The following LOC112694756 variants were observed in gnomAD, a reference collection of about 807,000 sequenced individuals.
chr16:30,064,079 C>T, the LOC112694756 span: 12 of 398,466 alleles, frequency 3.0e-5, no homozygotes, highest in East Asian at 3.6e-4. Context: ...CGGGCAGGTG[C>T]CCTGGCTTCC....
the LOC112694756 span, chr16:30,066,958 G>T: frequency 6.4e-7 from 1 of 1,551,912 alleles, no homozygotes; most frequent in Non-Finnish European, 8.7e-7. Flanking sequence ...CATGGCTATG[G>T]CCTTTTCCTT....
the LOC112694756 span, chr16:30,070,011 GTA>G: frequency 6.2e-7 from 1 of 1,613,828 alleles, no homozygotes; most frequent in Non-Finnish European, 8.5e-7. Flanking sequence ...CGCAGGAGGA[GTA>G]TGTCAAGCGA....
the LOC112694756 span, chr16:30,063,853 C>T: frequency 1.3e-5 from 5 of 399,106 alleles, no homozygotes; most frequent in African/African-American, 1.0e-4. Flanking sequence ...GGACCCAGGG[C>T]CCCTGCCCTC....
the LOC112694756 span, among the ~76,000 whole-genome samples, chr16:30,063,018 G>A: frequency 1.3e-5 from 2 of 151,630 alleles, no homozygotes; most frequent in South Asian, 2.1e-4. Flanking sequence ...GGTGGCTCAC[G>A]CCTGTAGTTC....
At chr16:30,067,550 C>T in the LOC112694756 span, 2 of 1,613,940 alleles carry the variant, frequency 1.2e-6, no homozygotes, top group African/African-American at 1.3e-5. Flanking sequence ...ACCGCGTGAA[C>T]CCCTGCATTG....
chr16:30,056,244 G>C, the LOC112694756 span, among the ~76,000 whole-genome samples: 11 of 143,534 alleles, frequency 7.7e-5, no homozygotes, highest in African/African-American at 2.8e-4. Flanking sequence ...TGAGTAGTAG[G>C]AATACAGGCG....
At chr16:30,066,797 C>G in the LOC112694756 span, 2 of 1,421,780 alleles carry the variant, frequency 1.4e-6, no homozygotes, top group African/African-American at 2.9e-5. Context: ...TTTCCCATAT[C>G]TGGGCCCTTT....
chr16:30,057,306 G>A, the LOC112694756 span, among the ~76,000 whole-genome samples: 1 of 152,158 alleles, frequency 6.6e-6, no homozygotes, highest in Non-Finnish European at 1.5e-5. Flanking sequence ...CTGAAGTGGG[G>A]AGTAAGCTGG....
chr16:30,067,116 G>A, the LOC112694756 span: 80 of 1,573,302 alleles, frequency 5.1e-5, 1 homozygote, highest in East Asian at 9.2e-4. Flanking sequence ...GGCCTGCTGG[G>A]TGTGGGGCAG....
chr16:30,064,691 T>C, the LOC112694756 span: 1 of 380,572 alleles, frequency 2.6e-6, no homozygotes, highest in East Asian at 3.7e-5. Flanking sequence ...GGGACACATG[T>C]GGGGCGGGCA....
At chr16:30,067,371 G>C in the LOC112694756 span, 2 of 1,614,048 alleles carry the variant, frequency 1.2e-6, no homozygotes, top group Non-Finnish European at 8.5e-7. Flanking sequence ...CCACTGGTGC[G>C]GGCAGGAGAC....
At chr16:30,070,288 C>T in the LOC112694756 span, 60 of 1,461,598 alleles carry the variant, frequency 4.1e-5, 1 homozygote, top group African/African-American at 9.7e-5. Flanking sequence ...GCCGCCTCCT[C>T]GGGGCTCCAG....
the LOC112694756 span, chr16:30,053,558 T>A: frequency 6.5e-6 from 1 of 152,832 alleles, no homozygotes; most frequent in Non-Finnish European, 1.5e-5. Context: ...TAACCCCGAA[T>A]GGGCCTGTCT....
At chr16:30,070,275 G>A in the LOC112694756 span, 1 of 1,541,364 alleles carries the variant, frequency 6.5e-7, no homozygotes, top group Non-Finnish European at 9.0e-7. Context: ...TCTTGAAGAG[G>A]AGGCCGCCTC....
At chr16:30,054,068 C>G in the LOC112694756 span, among the ~76,000 whole-genome samples, 1 of 151,430 alleles carries the variant, frequency 6.6e-6, no homozygotes, top group African/African-American at 2.4e-5. Context: ...GCCTGGAATC[C>G]CAGCACTTTG....
chr16:30,057,476 C>T, the LOC112694756 span, among the ~76,000 whole-genome samples: 1 of 152,112 alleles, frequency 6.6e-6, no homozygotes, highest in Non-Finnish European at 1.5e-5. Flanking sequence ...TAAATGTAAT[C>T]GACCACCGTC....
chr16:30,058,912 C>G, the LOC112694756 span: 1 of 398,252 alleles, frequency 2.5e-6, no homozygotes, highest in African/African-American at 2.1e-5. Context: ...TCAGCAGAAA[C>G]AAGATGGAGA....
the LOC112694756 span, chr16:30,068,458 G>A: frequency 1.4e-6 from 1 of 690,176 alleles, no homozygotes; most frequent in African/African-American, 1.8e-5. Flanking sequence ...GGAAGACTGG[G>A]GCTAAAGAAG....
At chr16:30,059,526 C>T in the LOC112694756 span, among the ~76,000 whole-genome samples, 1 of 150,264 alleles carries the variant, frequency 6.7e-6, no homozygotes, top group Admixed American at 6.6e-5. Flanking sequence ...ATAATAATAT[C>T]TCTCTTTCTT....
Sources: gnomAD v4.1 joint callset for allele counts (sites outside exome capture counted in the v4.1 genomes callset) on GRCh38, gnomAD v4.1.1 for gene constraint, MANE v1.5 for transcripts.